The following LYPD6 variants were observed in gnomAD, a reference collection of about 807,000 sequenced individuals.
LYPD6 encodes ly6/PLAUR domain-containing protein 6.
Under a neutral mutation model 22.7 loss-of-function variants are expected in LYPD6, and 15 were observed. The ratio of observed to expected loss-of-function variants is 0.66; its 90% CI spans 0.44 to 1.02. The LOEUF is 1.02. Ranked by LOEUF, LYPD6 falls within the 50% of genes least tolerant of loss-of-function variation. LYPD6 has a pLI of 0.00. For missense variants in LYPD6, 189 were observed against 208.4 expected, an observed-to-expected ratio of 0.91 and a Z score of 0.57; for synonymous variants, 72 against 77.5, an observed-to-expected ratio of 0.93 and a Z score of 0.37.
chr2:149,453,156 T>C (rs899553472), intron 3 of LYPD6, among the ~76,000 whole-genome samples: 1 of 152,226 alleles, frequency 6.6e-6, no homozygotes, highest in African/African-American at 2.4e-5. Flanking sequence ...TTCAATTTTC[T>C]TGATTTTGTG....
At chr2:149,360,404 G>C (rs1681549530) in intron 1 of LYPD6, among the ~76,000 whole-genome samples, 1 of 152,182 alleles carries the variant, frequency 6.6e-6, no homozygotes, top group South Asian at 2.1e-4. Flanking sequence ...TCAAGATGGA[G>C]TTGCTGTGGT....
intron 1 of LYPD6, among the ~76,000 whole-genome samples, chr2:149,433,156 A>G (rs1025295621): frequency 2.0e-5 from 3 of 152,218 alleles, no homozygotes; most frequent in African/African-American, 7.2e-5. Context: ...TTAAAATTCA[A>G]CTACTTTAAG....
intron 1 of LYPD6, among the ~76,000 whole-genome samples, chr2:149,402,116 GTATCC>G (rs1682570328): frequency 6.6e-6 from 1 of 151,468 alleles, no homozygotes; most frequent in Non-Finnish European, 1.5e-5. Context: ...TTCTGCACGT[GTATCC>G]CAGAACTTAA....
intron 1 of LYPD6, among the ~76,000 whole-genome samples, chr2:149,415,622 G>A (rs1682945002): frequency 6.6e-6 from 1 of 152,014 alleles, no homozygotes; most frequent in Non-Finnish European, 1.5e-5. Context: ...AGGAAGGAAG[G>A]AAGGAAAGAA....
At chr2:149,467,644 C>T (rs1193557016) in intron 3 of LYPD6, among the ~76,000 whole-genome samples, 1 of 152,056 alleles carries the variant, frequency 6.6e-6, no homozygotes, top group Non-Finnish European at 1.5e-5. Flanking sequence ...CCATATTAGC[C>T]ACTAAATATC....
chr2:149,478,809 C>G (rs1029919637), downstream of LYPD6, among the ~76,000 whole-genome samples: 1 of 152,092 alleles, frequency 6.6e-6, no homozygotes, highest in Admixed American at 6.5e-5. Flanking sequence ...CCACCTGCTA[C>G]CTGGGGCACT....
At chr2:149,427,988 A>AT (rs1357673776) in intron 1 of LYPD6, among the ~76,000 whole-genome samples, 9 of 152,240 alleles carry the variant, frequency 5.9e-5, no homozygotes, top group Non-Finnish European at 1.2e-4. Flanking sequence ...AGAAAGAGAA[A>AT]TGAACTTTTT....
At chr2:149,483,985 G>A in the LYPD6 span, among the ~76,000 whole-genome samples, 15 of 152,144 alleles carry the variant, frequency 9.9e-5, no homozygotes, top group Non-Finnish European at 1.0e-4. Flanking sequence ...ACCAAAAAGC[G>A]AAGTGACCTC....
chr2:149,357,785 CTTT>C (rs530498136), intron 1 of LYPD6, among the ~76,000 whole-genome samples: 7 of 127,406 alleles, frequency 5.5e-5, no homozygotes, highest in Admixed American at 3.2e-4. Flanking sequence ...CTTTTCTTTG[CTTT>C]TTTTTTTTTT....
At chr2:149,461,659 A>G (rs1681090133) in intron 3 of LYPD6, among the ~76,000 whole-genome samples, 1 of 152,030 alleles carries the variant, frequency 6.6e-6, no homozygotes, top group African/African-American at 2.4e-5. Flanking sequence ...TCTTAACAAA[A>G]TATTGGCAAA....
At chr2:149,370,515 G>A (rs954989267) in intron 1 of LYPD6, 4 of 152,100 alleles carry the variant, frequency 2.6e-5, no homozygotes, top group Non-Finnish European at 5.9e-5. Context: ...CTTTTACCTT[G>A]TGAGGGTGAG....
intron 1 of LYPD6, among the ~76,000 whole-genome samples, chr2:149,410,479 C>G (rs2105121484): frequency 6.6e-6 from 1 of 152,224 alleles, no homozygotes; most frequent in Non-Finnish European, 1.5e-5. Context: ...AGTGCTGTGA[C>G]TAAGGTGCAG....
downstream of LYPD6, among the ~76,000 whole-genome samples, chr2:149,477,189 A>G (rs962816136): frequency 5.9e-5 from 9 of 152,190 alleles, no homozygotes; most frequent in African/African-American, 2.2e-4. Flanking sequence ...AACCTTGTGT[A>G]TGTTTTGCCA....
intron 3 of LYPD6, 144 bp downstream of exon 3, chr2:149,449,291 C>T: frequency 3.6e-6 from 2 of 559,184 alleles, no homozygotes; most frequent in Non-Finnish European, 6.4e-6. Flanking sequence ...TTGTACCACA[C>T]CAATAACTTA....
intron 1 of LYPD6, among the ~76,000 whole-genome samples, chr2:149,430,251 C>T (rs996108880): frequency 2.1e-4 from 32 of 152,180 alleles, no homozygotes; most frequent in Admixed American, 4.6e-4. Flanking sequence ...AGGTGCCCGC[C>T]GCCATGCCCA....
intron 2 of LYPD6, among the ~76,000 whole-genome samples, chr2:149,442,017 G>A (rs558719031): frequency 6.6e-6 from 1 of 152,198 alleles, no homozygotes; most frequent in South Asian, 2.1e-4. Flanking sequence ...AGAGAGTAAG[G>A]GGACTTTCTA....
rs989232377 is a variant in LYPD6 at position 149,354,495 on chromosome 2, C to T, written c.-72+23773C>T. Among the ~76,000 whole-genome samples, 10 of 152,074 alleles carry T rather than the reference C, an allele frequency of 6.6e-5. No individual in the cohort carries two copies. In the East Asian group the frequency reaches 1.2e-3, roughly 18 times the overall value. The stretch of plus-strand genomic sequence containing the variant: ...TGCTGGCATTACAGGCATGAACCAC[C>T]GCACCTGGCCTCCTATAGCATTTTA... On this transcript the variant is annotated intron_variant, in intron 1 of 4. Transcript: ENST00000334166.
At chr2:149,393,541 G>A (rs1160606637) in intron 1 of LYPD6, among the ~76,000 whole-genome samples, 1 of 152,144 alleles carries the variant, frequency 6.6e-6, no homozygotes, top group African/African-American at 2.4e-5. Flanking sequence ...CTGAGTTAGG[G>A]GGCATAAAAG....
chr2:149,431,998 A>G (rs947331074), intron 1 of LYPD6, among the ~76,000 whole-genome samples: 2 of 152,250 alleles, frequency 1.3e-5, no homozygotes, highest in African/African-American at 4.8e-5. Context: ...TAATAAGCAC[A>G]TGAAAAGATG....
Sources: allele counts gnomAD v4.1 joint callset (sites outside exome capture counted in the v4.1 genomes callset), GRCh38; gene constraint gnomAD v4.1.1; transcripts MANE v1.5; gene names NCBI Gene and HGNC (gene_info 2026-07-23, HGNC 2026-07-21).